Variants in ROBO1 observed in about 807,000 individuals in gnomAD.
ROBO1 encodes the protein roundabout homolog 1.
Under a neutral mutation model 195.9 loss-of-function variants are expected in ROBO1, and 149 were observed. The observed-to-expected ratio is 0.76, with a 90% confidence interval of 0.67 to 0.87. The LOEUF is 0.87. Ranked by LOEUF, ROBO1 falls within the 40% of genes least tolerant of loss-of-function variation. The pLI, the probability that ROBO1 is intolerant of heterozygous loss-of-function variation, is 0.00. For missense variants in ROBO1, 1,933 were observed against 2,068.3 expected (o/e 0.93, Z 1.27); for synonymous variants, 816 against 733.2 (o/e 1.11, Z -1.82).
At chr3:78,963,689 T>C (rs534824723) in intron 3 of ROBO1, among the ~76,000 whole-genome samples, 18 of 151,794 alleles carry the variant, frequency 1.2e-4, no homozygotes, top group Admixed American at 1.1e-3. Context: ...GGCTAATTTT[T>C]TGTATTTTTA....
intron 4 of ROBO1, among the ~76,000 whole-genome samples, chr3:78,867,462 A>G (rs1364108237): frequency 2.6e-5 from 4 of 152,130 alleles, no homozygotes; most frequent in Admixed American, 2.6e-4. Flanking sequence ...AAAGAAAATT[A>G]CCTTCTTTTC....
At chr3:79,343,364 G>A (rs1577000250) in intron 2 of ROBO1, among the ~76,000 whole-genome samples, 1 of 152,230 alleles carries the variant, frequency 6.6e-6, no homozygotes, top group Non-Finnish European at 1.5e-5. Context: ...GAGTGTGGTT[G>A]CTGGATCACA....
intron 2 of ROBO1, among the ~76,000 whole-genome samples, chr3:79,211,802 G>C (rs2081969859): frequency 1.3e-5 from 2 of 152,150 alleles, no homozygotes. Context: ...TGGTAGGGGA[G>C]ACCCTAACCT....
intron 2 of ROBO1, among the ~76,000 whole-genome samples, chr3:79,128,080 T>C (rs549573998): frequency 2.6e-5 from 4 of 152,168 alleles, no homozygotes; most frequent in Non-Finnish European, 5.9e-5. Context: ...GAGGACTAAT[T>C]TAAGACCAGT....
At chr3:78,874,076 T>C (rs1024188985) in intron 4 of ROBO1, among the ~76,000 whole-genome samples, 3 of 151,924 alleles carry the variant, frequency 2.0e-5, no homozygotes, top group Non-Finnish European at 4.4e-5. Context: ...GCAACGGGCA[T>C]AAGCAAAGAT....
intron 2 of ROBO1, among the ~76,000 whole-genome samples, chr3:79,444,995 A>G (rs2039190966): frequency 6.6e-6 from 1 of 151,952 alleles, no homozygotes; most frequent in Admixed American, 6.6e-5. Flanking sequence ...AGAAGATGTT[A>G]TCCAAGAAGA....
chr3:79,376,138 G>C (rs942421964), intron 2 of ROBO1, among the ~76,000 whole-genome samples: 8 of 151,966 alleles, frequency 5.3e-5, no homozygotes, highest in African/African-American at 1.7e-4. Context: ...CTTAATTTTT[G>C]AGTTTACACA....
intron 3 of ROBO1, among the ~76,000 whole-genome samples, chr3:78,967,097 T>A (rs923149445): frequency 6.6e-6 from 1 of 152,330 alleles, no homozygotes; most frequent in South Asian, 2.1e-4. Flanking sequence ...TTCCTTTTCC[T>A]AGTGACTGTT....
At chr3:79,583,776 A>G (rs1013912441) in intron 2 of ROBO1, among the ~76,000 whole-genome samples, 3 of 152,036 alleles carry the variant, frequency 2.0e-5, no homozygotes, top group African/African-American at 7.2e-5. Flanking sequence ...GATGATCACA[A>G]CGATGAACTA....
chr3:78,711,789 C>T (rs1275516654), intron 8 of ROBO1, among the ~76,000 whole-genome samples: 1 of 150,752 alleles, frequency 6.6e-6, no homozygotes, highest in African/African-American at 2.4e-5. Context: ...ACGCCCGGCC[C>T]CCTGTGCTGT....
At chr3:79,059,261 C>G (rs2078869812) in intron 3 of ROBO1, among the ~76,000 whole-genome samples, 1 of 152,038 alleles carries the variant, frequency 6.6e-6, no homozygotes, top group Non-Finnish European at 1.5e-5. Context: ...TTTTTGAAAA[C>G]TCTCAGGCTC....
chr3:79,562,841 C>T (rs181935447), intron 2 of ROBO1, among the ~76,000 whole-genome samples: 1 of 151,988 alleles, frequency 6.6e-6, no homozygotes, highest in Admixed American at 6.6e-5. Context: ...GAAAACAAAA[C>T]CTCCGGTAAA....
intron 2 of ROBO1, among the ~76,000 whole-genome samples, chr3:79,429,154 G>C (rs531670231): frequency 1.3e-5 from 2 of 152,210 alleles, no homozygotes; most frequent in South Asian, 4.1e-4. Context: ...CTAGAAATAC[G>C]TGCATATCAA....
At chr3:79,727,758 T>A (rs909420917) in intron 1 of ROBO1, among the ~76,000 whole-genome samples, 1 of 152,192 alleles carries the variant, frequency 6.6e-6, no homozygotes, top group Admixed American at 6.5e-5. Flanking sequence ...AAAATCTCAG[T>A]GCAGTTATAA....
intron 4 of ROBO1, among the ~76,000 whole-genome samples, chr3:78,826,946 T>C (rs1310503252): frequency 1.3e-5 from 2 of 152,320 alleles, no homozygotes; most frequent in Middle Eastern, 3.4e-3. Flanking sequence ...AATGTTTCTA[T>C]AGTTGTTTTA....
intron 1 of ROBO1, among the ~76,000 whole-genome samples, chr3:79,725,637 A>G (rs1342009895): frequency 6.6e-6 from 1 of 152,172 alleles, no homozygotes; most frequent in Non-Finnish European, 1.5e-5. Flanking sequence ...CTGTAATGTT[A>G]TAATGCCCCT....
chr3:78,998,068 A>G (rs1361265680), intron 3 of ROBO1, among the ~76,000 whole-genome samples: 1 of 152,134 alleles, frequency 6.6e-6, no homozygotes, highest in Non-Finnish European at 1.5e-5. Context: ...TGCTCAGTAA[A>G]TATTTGTGGA....
chr3:79,077,346 A>C (rs528180582), intron 3 of ROBO1, among the ~76,000 whole-genome samples: 1 of 151,998 alleles, frequency 6.6e-6, no homozygotes. Context: ...GTGGAAGATT[A>C]ATTATCCTAT....
At chr3:79,292,532 T>A (rs1331551328) in intron 2 of ROBO1, among the ~76,000 whole-genome samples, 1 of 152,206 alleles carries the variant, frequency 6.6e-6, no homozygotes, top group East Asian at 1.9e-4. Flanking sequence ...ATAGCTCTTA[T>A]TATTTAGAGA....
Sources: gnomAD v4.1 joint callset for allele counts (sites outside exome capture counted in the v4.1 genomes callset) on GRCh38, gnomAD v4.1.1 for gene constraint, MANE v1.5 for transcripts, NCBI Gene and HGNC (gene_info 2026-07-23, HGNC 2026-07-21) for gene names.